The following PCDHGB6 variants were observed in gnomAD, a reference collection of about 807,000 sequenced individuals.
The protein encoded by PCDHGB6 is protocadherin gamma subfamily B, 6.
Under a neutral mutation model 59.1 loss-of-function variants are expected in PCDHGB6, and 51 were observed. The ratio of observed to expected loss-of-function variants is 0.86; its 90% CI spans 0.69 to 1.09. PCDHGB6 has a LOEUF of 1.09. Ranked by LOEUF, PCDHGB6 falls within the 50% of genes least tolerant of loss-of-function variation. The pLI, the probability that PCDHGB6 is intolerant of heterozygous loss-of-function variation, is 0.00. For missense variants in PCDHGB6, 1,148 were observed against 1,205.1 expected (o/e 0.95, Z 0.70); for synonymous variants, 466 against 495.1 (o/e 0.94, Z 0.78).
rs1247556723 is a variant in PCDHGB6 at position 141,489,841 on chromosome 5, G to A, written c.2419-4966G>A. 6.2e-7 allele frequency: 1 copy of A among 1,614,224 alleles called. No individual in the cohort carries two copies. The highest frequency in any genetic ancestry group is 1.7e-5 in the Admixed American group (1 of 60,032). On this transcript the variant is annotated intron_variant, in intron 1 of 3. Coordinates refer to ENST00000520790, the MANE Select transcript of PCDHGB6 (RefSeq NM_018926.3). The surrounding 1 kb of genome is among the most constrained non-coding windows in gnomAD (Gnocchi z 4.5). Reference sequence around the variant, plus strand: ...AGAGCTGGTGCTAGAGCAGCAGCTGGATCGTGAAGCCCAGGCAAGACATCA... The same window carrying A: ...AGAGCTGGTGCTAGAGCAGCAGCTGAATCGTGAAGCCCAGGCAAGACATCA...
rs377060474 is a variant in PCDHGB6, at chr5:141,487,810, C to A, written c.2419-6997C>A. The A allele has an allele frequency of 7.4e-4, 1,055 of 1,417,844 alleles. 13 individuals carry two copies. In the South Asian group the frequency reaches 0.013, roughly 17 times the overall value. The allele number at this position is 1,417,844 out of a possible 1,614,324, so 87.8% of individuals were successfully genotyped here. A position where few individuals can be genotyped will look rare whatever the true frequency, so the allele number is the denominator to read the frequency against. ...ATTAACCAGAGTTGTCACAGTTTAG[C>A]ATTGGGGGCGGGTCATGCCTATATC... On this transcript the variant is annotated intron_variant, in intron 1 of 3. Transcript: ENST00000520790. The surrounding 1 kb of genome is among the most constrained non-coding windows in gnomAD (Gnocchi z 5.0).
In PCDHGB6 at chr5:141,431,584, G is replaced by C. The variant is rs201462681; in HGVS notation, c.2418+20964G>C. 5.0e-6 allele frequency: 8 copies of C among 1,614,192 alleles called. No individual in the cohort carries two copies. The Admixed American group carries it at 1.3e-4, about 27-fold the overall frequency. ...CCGACCCTGACGAAGGAGTCAATGC[G>C]GAAGTGAGGTATTCCTTCCGGTATG... On this transcript the variant is annotated intron_variant, in intron 1 of 3. Transcript: ENST00000520790. This position sits in a 1 kb window ranked among gnomAD's most constrained non-coding sequence, Gnocchi z 4.8.
chr5:141,415,434 C>T, intron 1 of PCDHGB6: 2 of 1,614,192 alleles, frequency 1.2e-6, no homozygotes, highest in Non-Finnish European at 1.7e-6. Context: ...TTCGGGCTTT[C>T]CTGCAGACCT....
chr5:141,482,530 C>CAAAAAAAAAAA (rs3074545), intron 1 of PCDHGB6, among the ~76,000 whole-genome samples: 21 of 76,546 alleles, frequency 2.7e-4, no homozygotes, highest in African/African-American at 4.8e-4. Context: ...GACAGACATG[C>CAAAAAAAAAAA]AAAAAAAAAA....
intron 1 of PCDHGB6, chr5:141,422,796 T>C: frequency 6.2e-7 from 1 of 1,614,234 alleles, no homozygotes; most frequent in Middle Eastern, 1.6e-4. Flanking sequence ...CCTTCGACTA[T>C]GAGCAGTTTC....
intron 1 of PCDHGB6, chr5:141,427,176 G>A (rs777424789): frequency 2.2e-6 from 1 of 456,742 alleles, no homozygotes; most frequent in Non-Finnish European, 4.4e-6. Context: ...TCAAAATGGG[G>A]AAATTAAATC....
In PCDHGB6 at chr5:141,487,801, A is replaced by G. The variant is rs895741843; in HGVS notation, c.2419-7006A>G. The G allele has an allele frequency of 1.0e-5, 15 of 1,479,820 alleles. No individual in the cohort carries two copies. The highest frequency in any genetic ancestry group is 2.7e-6 in the Non-Finnish European group (3 of 1,095,672). The allele number at this position is 1,479,820 out of a possible 1,614,324, so 91.7% of individuals were successfully genotyped here. On this transcript the variant is annotated intron_variant, in intron 1 of 3. Coordinates refer to ENST00000520790, the MANE Select transcript of PCDHGB6 (RefSeq NM_018926.3). The surrounding 1 kb of genome is among the most constrained non-coding windows in gnomAD (Gnocchi z 5.0). ...GTTTCGTGAATTAACCAGAGTTGTC[A>G]CAGTTTAGCATTGGGGGCGGGTCAT... is the stretch of plus-strand genomic sequence containing the variant.
At position 141,414,140 on chromosome 5, in the gene PCDHGB6, A is replaced by G. The variant is rs764980296; in HGVS notation, c.2418+3520A>G. ...GAAGAAACCGGTTTCTATGAAATAG[A>G]AATACAAGCAGAAGATGGAGGAGCA... On this transcript the variant is annotated intron_variant, in intron 1 of 3. Transcript: ENST00000520790. 4 of 1,596,912 alleles carry G rather than the reference A, an allele frequency of 2.5e-6. No individual in the cohort carries two copies. In the African/African-American group the frequency reaches 5.4e-5, roughly 21 times the overall value.
chr5:141,449,645 A>G (rs1331667429), intron 1 of PCDHGB6, among the ~76,000 whole-genome samples: 1 of 151,128 alleles, frequency 6.6e-6, no homozygotes, highest in African/African-American at 2.4e-5. Context: ...CTATATATAC[A>G]TATTTACATA....
chr5:141,408,732 A>AT lies in PCDHGB6; in HGVS notation c.535dup (p.Ser179PhefsTer5). Reference sequence around the variant, plus strand: ...GATTATAAGATAAACTCTAATCCTTATTTTTCATTAATGGTTAGAGTTAAT... The same window carrying AT: ...GATTATAAGATAAACTCTAATCCTTATTTTTTCATTAATGGTTAGAGTTAAT... On this transcript the variant is annotated frameshift_variant, in exon 1 of 4. Coordinates refer to ENST00000520790, the MANE Select transcript of PCDHGB6 (RefSeq NM_018926.3). LOFTEE classifies it high-confidence loss of function. 4 of 1,610,016 alleles carry AT rather than the reference A, an allele frequency of 2.5e-6. No homozygotes were observed. Among genetic ancestry groups the AT allele is most frequent in the Non-Finnish European group, 3.4e-6 (4 of 1,177,818 alleles).
At chr5:141,501,409 A>G (rs1358547245) in intron 2 of PCDHGB6, among the ~76,000 whole-genome samples, 1 of 151,978 alleles carries the variant, frequency 6.6e-6, no homozygotes, top group African/African-American at 2.4e-5. Context: ...ACTGCTTGGA[A>G]AATAGTTGAC....
chr5:141,418,785 T>C, intron 1 of PCDHGB6: 1 of 1,613,862 alleles, frequency 6.2e-7, no homozygotes, highest in African/African-American at 1.3e-5. Flanking sequence ...CCTTTGGATT[T>C]TGAAGAAGTA....
intron 1 of PCDHGB6, among the ~76,000 whole-genome samples, chr5:141,425,336 G>A (rs2096868804): frequency 6.6e-6 from 1 of 152,182 alleles, no homozygotes; most frequent in South Asian, 2.1e-4. Flanking sequence ...CAAAAAGGAA[G>A]GGTTGGCTTT....
Position 141,487,535 on chromosome 5 carries a change from G to A in PCDHGB6, c.2419-7272G>A. 6.2e-7 allele frequency: 1 copy of A among 1,614,154 alleles called. No individual in the cohort carries two copies. Among genetic ancestry groups the A allele is most frequent in the South Asian group, 1.1e-5 (1 of 91,084 alleles). ...CACTCGGAGTGATAGCTTCATGATG[G>A]TGAAGTCACCCAGTGCACCTATGGC... On this transcript the variant is annotated intron_variant, in intron 1 of 3. Transcript: ENST00000520790. This position sits in a 1 kb window ranked among gnomAD's most constrained non-coding sequence, Gnocchi z 5.0.
chr5:141,428,055 G>C (rs1232516220), intron 1 of PCDHGB6: 8 of 1,608,952 alleles, frequency 5.0e-6, no homozygotes, highest in African/African-American at 1.3e-5. Context: ...CAAGGTGGTG[G>C]CGGTGGACGC....
intron 1 of PCDHGB6, among the ~76,000 whole-genome samples, chr5:141,461,764 C>T (rs1005862192): frequency 6.6e-6 from 1 of 152,118 alleles, no homozygotes; most frequent in East Asian, 1.9e-4. Context: ...AGCGATTCTC[C>T]TGCCTCAGCC....
intron 1 of PCDHGB6, chr5:141,421,199 A>C (rs991814876): frequency 2.0e-6 from 3 of 1,514,716 alleles, no homozygotes; most frequent in Non-Finnish European, 2.6e-6. Context: ...CAGCTCGAGA[A>C]ACCGCGGAAT....
chr5:141,430,337 C>G (rs531455580), intron 1 of PCDHGB6, among the ~76,000 whole-genome samples: 1 of 150,908 alleles, frequency 6.6e-6, no homozygotes, highest in East Asian at 2.0e-4. Context: ...TTTATAGAAA[C>G]TTCCAATTCA....
At chr5:141,465,945 AC>A (rs761290693) in intron 1 of PCDHGB6, among the ~76,000 whole-genome samples, 7 of 151,958 alleles carry the variant, frequency 4.6e-5, no homozygotes, top group Non-Finnish European at 5.9e-5. Context: ...ACATGGTGAA[AC>A]CCCATCTCTA....
Sources: allele counts gnomAD v4.1 joint callset (sites outside exome capture counted in the v4.1 genomes callset), GRCh38; gene constraint gnomAD v4.1.1; non-coding constraint Gnocchi (gnomAD v3.1); transcripts MANE v1.5; gene names NCBI Gene and HGNC (gene_info 2026-07-23, HGNC 2026-07-21).